Variants in NALF1 observed in about 807,000 individuals in gnomAD.
NALF1 encodes family with sequence similarity 155 member A.
Under a neutral mutation model 48.4 loss-of-function variants are expected in NALF1, and 3 were observed. That is an observed-to-expected ratio of 0.06 (90% CI 0.03 to 0.16). NALF1 has a LOEUF of 0.16. Ranked by LOEUF, NALF1 falls within the 10% of genes least tolerant of loss-of-function variation. NALF1 has a pLI of 1.00. For synonymous variants in NALF1, 262 were observed against 245.7 expected, an observed-to-expected ratio of 1.07 and a Z score of -0.62; for missense variants, 526 against 571.5, an observed-to-expected ratio of 0.92 and a Z score of 0.81.
intron 1 of NALF1, among the ~76,000 whole-genome samples, chr13:107,623,717 C>T (rs1199276658): frequency 6.6e-6 from 1 of 152,152 alleles, no homozygotes. Flanking sequence ...CAACATCTCT[C>T]AAGAAACCTA....
rs1180685488 is a variant in NALF1 at position 107,866,600 on chromosome 13, T to C, written c.-4A>G. On this transcript the variant is annotated 5_prime_UTR_variant, in exon 1 of 3. Transcript: ENST00000375915. This position sits in a 1 kb window ranked among gnomAD's most constrained non-coding sequence, Gnocchi z 4.4. ...ACATCCAAGCACCCCTGGTCATATT[T>C]TGGGAACGCACAGCCCTGGCCGACT... is the stretch of plus-strand genomic sequence containing the variant. 6 of 1,599,248 alleles carry C rather than the reference T, an allele frequency of 3.8e-6. No homozygotes were observed. The highest frequency in any genetic ancestry group is 5.1e-6 in the Non-Finnish European group (6 of 1,176,590).
At chr13:107,844,914 T>C (rs76177792) in intron 1 of NALF1, among the ~76,000 whole-genome samples, 2,916 of 152,268 alleles carry the variant, frequency 0.019, 51 homozygotes, top group African/African-American at 0.046. Context: ...TTTATGATAC[T>C]AAAACTAAAT....
intron 1 of NALF1, among the ~76,000 whole-genome samples, chr13:107,715,868 G>T (rs1213352337): frequency 2.6e-5 from 4 of 152,120 alleles, no homozygotes; most frequent in African/African-American, 9.7e-5. Context: ...TCAGAAGATT[G>T]GGATGCAGGT....
chr13:107,374,568 T>G (rs985987019), intron 1 of NALF1, among the ~76,000 whole-genome samples: 6 of 139,638 alleles, frequency 4.3e-5, no homozygotes, highest in Non-Finnish European at 9.4e-5. Flanking sequence ...TCACAGATAT[T>G]CTGAATGAGA....
Position 107,866,787 on chromosome 13 carries a change from ATCTC to A in NALF1, c.-195_-192del, listed in dbSNP as rs902869787. ...CTCTCTCTCCCTCTCCCTCTCTTTTATCTCTCTCTGTCTCTTTTGCCTACATAAA... is the reference window on the plus strand; with the variant it reads ...CTCTCTCTCCCTCTCCCTCTCTTTTATCTCTGTCTCTTTTGCCTACATAAA... On this transcript the variant is annotated 5_prime_UTR_variant, in exon 1 of 3. Coordinates refer to ENST00000375915, the MANE Select transcript of NALF1 (RefSeq NM_001080396.3). The surrounding 1 kb of genome is among the most constrained non-coding windows in gnomAD (Gnocchi z 4.4). The A allele has an allele frequency of 4.1e-5, 24 of 582,262 alleles. No individual in the cohort carries two copies. Among genetic ancestry groups the A allele is most frequent in the Middle Eastern group, 4.5e-4 (1 of 2,212 alleles). The allele number at this position is 582,262 out of a possible 1,614,324, so 36.1% of individuals were successfully genotyped here. A position where few individuals can be genotyped will look rare whatever the true frequency, so the allele number is the denominator to read the frequency against.
chr13:107,554,855 AAGCAGGCTGGCTTGCAGGGT>A (rs1382246789), intron 1 of NALF1, among the ~76,000 whole-genome samples: 1 of 152,080 alleles, frequency 6.6e-6, no homozygotes, highest in East Asian at 1.9e-4. Context: ...CAGAATTCAC[AAGCAGGCTGGCTTGCAGGGT>A]ATAACTCCAG....
At chr13:107,805,073 G>C (rs1328031409) in intron 1 of NALF1, among the ~76,000 whole-genome samples, 1 of 152,074 alleles carries the variant, frequency 6.6e-6, no homozygotes, top group East Asian at 1.9e-4. Context: ...GGGTGACCTA[G>C]ACACCTGACA....
chr13:107,842,336 A>G (rs949233613), intron 1 of NALF1, among the ~76,000 whole-genome samples: 1 of 152,112 alleles, frequency 6.6e-6, no homozygotes, highest in African/African-American at 2.4e-5. Context: ...ACAAAGAAAT[A>G]GTGTGTTTAT....
intron 1 of NALF1, among the ~76,000 whole-genome samples, chr13:107,305,753 A>G (rs997317686): frequency 6.6e-6 from 1 of 152,210 alleles, no homozygotes; most frequent in Non-Finnish European, 1.5e-5. Context: ...GACACAAACA[A>G]TATATATACT....
chr13:107,698,839 C>T (rs1356242757), intron 1 of NALF1, among the ~76,000 whole-genome samples: 1 of 151,984 alleles, frequency 6.6e-6, no homozygotes, highest in Non-Finnish European at 1.5e-5. Context: ...GGGAGCACAC[C>T]CCTCCTTTTT....
intron 1 of NALF1, among the ~76,000 whole-genome samples, chr13:107,757,246 T>C (rs961546074): frequency 6.6e-6 from 1 of 152,034 alleles, no homozygotes; most frequent in African/African-American, 2.4e-5. Context: ...CATATTAACA[T>C]AAGGTAGGAA....
intron 1 of NALF1, among the ~76,000 whole-genome samples, chr13:107,663,370 AAGACCTTT>A (rs1169294845): frequency 1.2e-4 from 18 of 152,232 alleles, no homozygotes; most frequent in Admixed American, 1.2e-3. Context: ...ACAGCCAAAA[AAGACCTTT>A]AGAAGGTATG....
chr13:107,738,741 A>G (rs1195231340), intron 1 of NALF1, among the ~76,000 whole-genome samples: 1 of 149,964 alleles, frequency 6.7e-6, no homozygotes, highest in Non-Finnish European at 1.5e-5. Flanking sequence ...ATCTCGGCTC[A>G]CTGCAACCTC....
At chr13:107,816,828 CCTCT>C in intron 1 of NALF1, among the ~76,000 whole-genome samples, 1 of 151,980 alleles carries the variant, frequency 6.6e-6, no homozygotes, top group South Asian at 2.1e-4. Flanking sequence ...GATTCGTAGA[CCTCT>C]CTCTCTCTTC....
At chr13:107,438,175 T>G (rs1338640582) in intron 1 of NALF1, among the ~76,000 whole-genome samples, 30 of 152,160 alleles carry the variant, frequency 2.0e-4, no homozygotes, top group Non-Finnish European at 1.5e-5. Flanking sequence ...CTAGAAATAC[T>G]CACCAAGGTT....
intron 1 of NALF1, among the ~76,000 whole-genome samples, chr13:107,689,725 GA>G (rs955711526): frequency 6.6e-6 from 1 of 152,132 alleles, no homozygotes; most frequent in Non-Finnish European, 1.5e-5. Context: ...TTTTCTTCTA[GA>G]AAAAGTCTTA....
chr13:107,207,395 C>T (rs369324368), intron 2 of NALF1, among the ~76,000 whole-genome samples: 58 of 152,112 alleles, frequency 3.8e-4, no homozygotes, highest in African/African-American at 1.3e-3. Context: ...TTGTAGGAGA[C>T]GGACATCCAA....
chr13:107,520,718 G>A (rs1041965093), intron 1 of NALF1, among the ~76,000 whole-genome samples: 2 of 152,140 alleles, frequency 1.3e-5, no homozygotes, highest in Non-Finnish European at 2.9e-5. Flanking sequence ...CCCTGTGTAC[G>A]ACTGCCTGCC....
At chr13:107,569,449 G>GC (rs1244629857) in intron 1 of NALF1, among the ~76,000 whole-genome samples, 5 of 151,826 alleles carry the variant, frequency 3.3e-5, no homozygotes, top group African/African-American at 9.7e-5. Context: ...TCCAGCCTGG[G>GC]CGACACAGCG....
Sources: allele counts gnomAD v4.1 joint callset (sites outside exome capture counted in the v4.1 genomes callset), GRCh38; gene constraint gnomAD v4.1.1; non-coding constraint Gnocchi (gnomAD v3.1); transcripts MANE v1.5; gene names NCBI Gene and HGNC (gene_info 2026-07-23, HGNC 2026-07-21).